The following TBCK variants were observed in gnomAD, a reference collection of about 807,000 sequenced individuals.
TBCK encodes TBC1 domain containing kinase.
A neutral mutation model predicts 113.4 loss-of-function variants in TBCK; 99 were observed. The ratio of observed to expected loss-of-function variants is 0.87; its 90% CI spans 0.74 to 1.03. The LOEUF (loss-of-function observed/expected upper bound fraction) is 1.03. Ranked by LOEUF, TBCK falls within the 50% of genes least tolerant of loss-of-function variation. TBCK has a pLI of 0.00. For missense variants in TBCK, 1,045 were observed against 1,061.3 expected (o/e 0.98, Z 0.21); for synonymous variants, 369 against 370.8 (o/e 1.00, Z 0.05).
At chr4:106,146,719 T>A (rs1159576550) in intron 23 of TBCK, among the ~76,000 whole-genome samples, 1 of 152,186 alleles carries the variant, frequency 6.6e-6, no homozygotes, top group Non-Finnish European at 1.5e-5. Flanking sequence ...AAAGTAATGG[T>A]TGCTGAAGGC....
chr4:106,260,321 T>A lies in TBCK; in HGVS notation c.455+116A>T, dbSNP rs961101039. On this transcript the variant is annotated intron_variant, in intron 5 of 25. Coordinates refer to ENST00000394708, the MANE Select transcript of TBCK (RefSeq NM_001163435.3). The stretch of plus-strand genomic sequence containing the variant: ...ATGGAAAATTGAGATGCATTAATTT[T>A]AAAAAAGCTGTTTGCATATCAAAAA... The A allele has an allele frequency of 9.3e-6, 4 of 431,888 alleles. 1 individual carries two copies. Among genetic ancestry groups the A allele is most frequent in the Admixed American group, 9.1e-5 (2 of 22,098 alleles). 26.8% of individuals were successfully genotyped at this position (431,888 alleles called of 1,614,324 possible). A position where few individuals can be genotyped will look rare whatever the true frequency, so the allele number is the denominator to read the frequency against.
At chr4:106,123,709 T>C (rs1399473997) in intron 23 of TBCK, among the ~76,000 whole-genome samples, 2 of 152,034 alleles carry the variant, frequency 1.3e-5, no homozygotes, top group African/African-American at 4.8e-5. Context: ...TATCTACAAC[T>C]ACCTGATCTT....
At chr4:106,244,838 C>A in intron 10 of TBCK, 74 bp from the exon 11 acceptor site, 1 of 876,572 alleles carries the variant, frequency 1.1e-6, no homozygotes, top group South Asian at 2.2e-5. Flanking sequence ...GCAGTAATAG[C>A]TGCCATTCTA....
intron 5 of TBCK, among the ~76,000 whole-genome samples, chr4:106,253,259 C>T (rs1176265553): frequency 1.3e-5 from 2 of 152,102 alleles, no homozygotes; most frequent in East Asian, 3.8e-4. Context: ...TATTCTTTTG[C>T]TCTTTCAATC....
At chr4:106,244,456 T>C (rs1760530101) in intron 11 of TBCK, among the ~76,000 whole-genome samples, 170 bp downstream of exon 11, 1 of 152,016 alleles carries the variant, frequency 6.6e-6, no homozygotes, top group South Asian at 2.1e-4. Context: ...TCAAACAAGG[T>C]GTTGATTCCA....
intron 20 of TBCK, among the ~76,000 whole-genome samples, chr4:106,203,743 T>C (rs1755141687): frequency 6.6e-6 from 1 of 152,078 alleles, no homozygotes; most frequent in South Asian, 2.1e-4. Flanking sequence ...TATATTTCAA[T>C]TATTTCATTG....
At chr4:106,280,319 A>G (rs1764458488) in intron 3 of TBCK, among the ~76,000 whole-genome samples, 1 of 152,070 alleles carries the variant, frequency 6.6e-6, no homozygotes, top group Non-Finnish European at 1.5e-5. Flanking sequence ...CTCCTTATAT[A>G]ATCTAGTTAT....
At chr4:106,163,062 T>G (rs183885012) in intron 23 of TBCK, among the ~76,000 whole-genome samples, 4 of 152,276 alleles carry the variant, frequency 2.6e-5, no homozygotes, top group African/African-American at 7.2e-5. Context: ...AAATTTCTTC[T>G]GCCAGATACC....
intron 3 of TBCK, among the ~76,000 whole-genome samples, chr4:106,282,246 G>T (rs1325235089): frequency 6.6e-6 from 1 of 151,850 alleles, no homozygotes; most frequent in Non-Finnish European, 1.5e-5. Context: ...GGTTTCAGTT[G>T]TGATGTCTCC....
intron 23 of TBCK, chr4:106,163,692 T>C (rs1025128304): frequency 8.5e-5 from 13 of 152,080 alleles, no homozygotes; most frequent in African/African-American, 2.9e-4. Flanking sequence ...TCAACAGATC[T>C]TATGAGAACT....
Position 106,044,159 on chromosome 4 carries a change from ACTAC to A in TBCK, c.*2407_*2410del, listed in dbSNP as rs1734015937. On this transcript the variant is annotated 3_prime_UTR_variant, in exon 26 of 26. Coordinates refer to ENST00000394708, the MANE Select transcript of TBCK (RefSeq NM_001163435.3). ...CTTCACAAGGTCTTCATCCTCTCCT[ACTAC>A]CTACCACCTTATTCAACTCAAATCA... is the stretch of plus-strand genomic sequence containing the variant. 6.6e-6 allele frequency: 1 copy of A among 152,094 alleles called. No homozygotes were observed. The highest frequency in any genetic ancestry group is 1.5e-5 in the Non-Finnish European group (1 of 68,020). The allele number at this position is 152,094 out of a possible 1,614,324, so 9.4% of individuals were successfully genotyped here.
intron 22 of TBCK, among the ~76,000 whole-genome samples, chr4:106,179,321 G>A (rs1023131372): frequency 6.6e-6 from 1 of 151,880 alleles, no homozygotes; most frequent in African/African-American, 2.4e-5. Flanking sequence ...TCCTTGAGGT[G>A]CATTGTTAAG....
intron 23 of TBCK, among the ~76,000 whole-genome samples, chr4:106,127,417 G>A (rs1031853107): frequency 6.6e-6 from 1 of 152,018 alleles, no homozygotes; most frequent in Non-Finnish European, 1.5e-5. Flanking sequence ...GTGTCTGAGA[G>A]GGAGAGAAAT....
chr4:106,233,508 A>G, intron 16 of TBCK, 80 bp downstream of exon 16: 2 of 1,078,804 alleles, frequency 1.9e-6, no homozygotes, highest in African/African-American at 3.2e-5. Flanking sequence ...TGAGAGAAAG[A>G]GGCTTTCTTC....
chr4:106,197,411 G>A (rs202151063), intron 20 of TBCK, among the ~76,000 whole-genome samples: 7,574 of 122,188 alleles, frequency 0.062, 568 homozygotes, highest in African/African-American at 0.18. Flanking sequence ...GTGTGTGTGT[G>A]TATATATATA....
intron 7 of TBCK, among the ~76,000 whole-genome samples, chr4:106,249,932 G>A (rs1761242760): frequency 1.3e-5 from 2 of 151,948 alleles, no homozygotes; most frequent in Non-Finnish European, 2.9e-5. Flanking sequence ...CCACTCCAAA[G>A]TAGATTACAT....
intron 21 of TBCK, among the ~76,000 whole-genome samples, 168 bp from the exon 22 acceptor site, chr4:106,193,938 TA>T (rs1280520395): frequency 6.6e-6 from 1 of 152,162 alleles, no homozygotes; most frequent in African/African-American, 2.4e-5. Context: ...TTTGAAAATT[TA>T]TAGCTTCCTA....
At chr4:106,283,400 T>C (rs2125795479) in intron 3 of TBCK, among the ~76,000 whole-genome samples, 1 of 152,218 alleles carries the variant, frequency 6.6e-6, no homozygotes, top group East Asian at 1.9e-4. Flanking sequence ...TACAGTATAA[T>C]ATAGGCATTT....
intron 12 of TBCK, among the ~76,000 whole-genome samples, chr4:106,241,756 A>G (rs1389930119): frequency 6.6e-6 from 1 of 152,032 alleles, no homozygotes; most frequent in African/African-American, 2.4e-5. Flanking sequence ...ACTAAATGTG[A>G]AACAATTATT....
Sources: allele counts gnomAD v4.1 joint callset (sites outside exome capture counted in the v4.1 genomes callset), GRCh38; gene constraint gnomAD v4.1.1; transcripts MANE v1.5; gene names NCBI Gene and HGNC (gene_info 2026-07-23, HGNC 2026-07-21).